The following XKR5 variants were observed in gnomAD, a reference collection of about 807,000 sequenced individuals.
XKR5 encodes XK-related protein 5.
A neutral mutation model predicts 40.8 loss-of-function variants in XKR5; 46 were observed. The ratio of observed to expected loss-of-function variants is 1.13; its 90% CI spans 0.89 to 1.44. XKR5 has a LOEUF of 1.44. Among genes scored for constraint, XKR5 ranks in the 40% most tolerant of loss-of-function variants. XKR5 has a pLI of 0.00. For synonymous variants in XKR5, 466 were observed against 356.1 expected (o/e 1.31, Z -3.48); for missense variants, 1,169 against 844.7 (o/e 1.38, Z -4.76).
At position 6,811,675 on chromosome 8, in the gene XKR5, A is replaced by G; in HGVS notation, c.1584T>C (p.Gly528=). 4 of 1,537,420 alleles carry G rather than the reference A, an allele frequency of 2.6e-6. No homozygotes were observed. The highest frequency in any genetic ancestry group is 1.7e-4 in the Middle Eastern group (1 of 5,994). ...GTCCTTCCCCTCCTCTCTGCTGCCC[A>G]CCTGTCCCCTTCCCCTGTGTCCCAG... The part of the protein sequence containing the change: ...AVSGTQGKGT[G]GQQRGGEGQQ... The change falls in exon 7 of 7, where the codon GGT becomes GGC. Residue 528 remains glycine (G), a synonymous_variant. Transcript: ENST00000618742.
rs568872712 is a variant in XKR5, at chr8:6,809,035, AG to A, written c.*2162del. 2.3e-3 allele frequency: 350 copies of A among 152,386 alleles called. 3 individuals are homozygous for A. The highest frequency in any genetic ancestry group is 3.8e-3 in the Non-Finnish European group (261 of 68,094). The allele number at this position is 152,386 out of a possible 1,614,324, so 9.4% of individuals were successfully genotyped here. ...GAGGCAGGGCTTCAAGTTTAGGAAG[AG>A]GTCACCAGAGGGCAAAGGGCAGTGG... On this transcript the variant is annotated 3_prime_UTR_variant, in exon 7 of 7. Coordinates refer to ENST00000618742, the MANE Select transcript of XKR5 (RefSeq NM_207411.5).
chr8:6,815,718 A>G, intron 6 of XKR5, 89 bp downstream of exon 6: 1 of 885,676 alleles, frequency 1.1e-6, no homozygotes, highest in Non-Finnish European at 1.8e-6. Context: ...ACCACATCTG[A>G]ACTCAGTTTC....
chr8:6,821,931 T>G lies in XKR5; in HGVS notation c.745A>C (p.Ile249Leu). Residue 249 changes from isoleucine (I) to leucine (L), a missense_variant, in exon 5 of 7, where the codon ATC becomes CTC. Transcript: ENST00000618742. ...TCCCAGAAGCTGAGGTAGCAGAGGA[T>G]GTACACGGCCCCCACGAGCAGGTTG... is the stretch of plus-strand genomic sequence containing the variant. ...LFNLLVGAVY[I>L]LCYLSFWDSP... The G allele has an allele frequency of 1.2e-6, 2 of 1,613,294 alleles. No homozygotes were observed. Among genetic ancestry groups the G allele is most frequent in the Non-Finnish European group, 1.7e-6 (2 of 1,179,618 alleles).
intron 1 of XKR5, among the ~76,000 whole-genome samples, chr8:6,833,513 T>C (rs138469977): frequency 1.6e-4 from 24 of 152,328 alleles, no homozygotes; most frequent in Admixed American, 4.6e-4. Context: ...GGCAGATTGC[T>C]CGACGTCAGG....
Position 6,811,907 on chromosome 8 carries a change from G to T in XKR5, c.1352C>A (p.Ala451Asp). ...GGATGAGGATGGGAGCTCTTGCTGG[G>T]CAGACAAGGCCTTTCTCTGCAGGTA... ...QDYLQRKALS[A>D]QQELPSSSRD... The change falls in exon 7 of 7, where the codon GCC becomes GAC. Residue 451 changes from alanine (A) to aspartate (D), a missense_variant. By Grantham distance (126) the Ala-to-Asp change is moderately radical. Coordinates refer to ENST00000618742, the MANE Select transcript of XKR5 (RefSeq NM_207411.5). 1.3e-6 allele frequency: 2 copies of T among 1,537,422 alleles called. No homozygotes were observed. The highest frequency in any genetic ancestry group is 1.7e-6 in the Non-Finnish European group (2 of 1,146,944).
rs1297475497 is a variant in XKR5 at position 6,808,915 on chromosome 8, C to T, written c.*2283G>A. ...AGCCCCGCTCGTTAGTGAATTCATGCTGTTGAATGCTCTAACGCCTACTTT... is the reference window on the plus strand; with the variant it reads ...AGCCCCGCTCGTTAGTGAATTCATGTTGTTGAATGCTCTAACGCCTACTTT... On this transcript the variant is annotated 3_prime_UTR_variant, in exon 7 of 7. Coordinates refer to ENST00000618742, the MANE Select transcript of XKR5 (RefSeq NM_207411.5). 6.6e-6 allele frequency: 1 copy of T among 152,266 alleles called. No homozygotes were observed. The highest frequency in any genetic ancestry group is 1.5e-5 in the Non-Finnish European group (1 of 68,060). 9.4% of individuals were successfully genotyped at this position (152,266 alleles called of 1,614,324 possible). A position where few individuals can be genotyped will look rare whatever the true frequency, so the allele number is the denominator to read the frequency against.
At chr8:6,815,188 G>T (rs961581142) in intron 6 of XKR5, among the ~76,000 whole-genome samples, 1 of 152,190 alleles carries the variant, frequency 6.6e-6, no homozygotes, top group African/African-American at 2.4e-5. Flanking sequence ...TTCAAGTGGG[G>T]GGCGGAATCC....
Position 6,821,905 on chromosome 8 carries a change from G to A in XKR5, c.771C>T (p.Asp257=). Residue 257 remains aspartate, a synonymous_variant, in exon 5 of 7, where the codon GAC becomes GAT. Transcript: ENST00000618742. ...VYILCYLSFW[D]SPSRNRMVTF... ...TGACCATCCTATTTCTAGAAGGGCT[G>A]TCCCAGAAGCTGAGGTAGCAGAGGA... is the stretch of plus-strand genomic sequence containing the variant. 1.2e-6 allele frequency: 2 copies of A among 1,613,500 alleles called. No individual in the cohort carries two copies. Among genetic ancestry groups the A allele is most frequent in the South Asian group, 1.1e-5 (1 of 90,942 alleles).
chr8:6,829,712 C>T (rs551782774), intron 2 of XKR5, among the ~76,000 whole-genome samples: 4 of 150,440 alleles, frequency 2.7e-5, no homozygotes, highest in Non-Finnish European at 5.9e-5. Context: ...GATGGGGTTT[C>T]GACAGTGTTG....
Position 6,811,782 on chromosome 8 carries a change from C to A in XKR5, c.1477G>T (p.Asp493Tyr), listed in dbSNP as rs182635679. Residue 493 changes from aspartate to tyrosine, a missense_variant, in exon 7 of 7, where the codon GAT becomes TAT. By Grantham distance (160) the Asp-to-Tyr change is radical (BLOSUM62 -3). Coordinates refer to ENST00000618742, the MANE Select transcript of XKR5 (RefSeq NM_207411.5). ...TGGGTAGGTGCTTCATCCTGCTGAT[C>A]GCTGGCAAAAGATACGTAACTTGAG... The part of the protein sequence containing the change: ...ETSSYVSFAS[D>Y]QQDEAPTQNP... 2,606 of 1,537,652 alleles carry A rather than the reference C, an allele frequency of 1.7e-3. 85 individuals are homozygous for A. The Admixed American group carries it at 0.047, about 28-fold the overall frequency.
rs759512777 is a variant in XKR5, at chr8:6,832,776, C to A, written c.183G>T (p.Gly61=). ...ALSYLWFRAD[G]HPGHCSLMML... Reference sequence around the variant, plus strand: ...TCATCAAGGAGCAATGCCCTGGATGCCCGTCTGCTCGGAACCACAGGTAGC... The same window carrying A: ...TCATCAAGGAGCAATGCCCTGGATGACCGTCTGCTCGGAACCACAGGTAGC... Residue 61 remains glycine (G), a synonymous_variant, in exon 2 of 7, where the codon GGG becomes GGT. Coordinates refer to ENST00000618742, the MANE Select transcript of XKR5 (RefSeq NM_207411.5). 6 of 1,613,318 alleles carry A rather than the reference C, an allele frequency of 3.7e-6. No individual in the cohort carries two copies. The South Asian group carries it at 4.4e-5, about 12-fold the overall frequency.
intron 1 of XKR5, among the ~76,000 whole-genome samples, chr8:6,834,130 C>A (rs1446447639): frequency 6.6e-6 from 1 of 152,242 alleles, no homozygotes; most frequent in Non-Finnish European, 1.5e-5. Flanking sequence ...CCTAGCACGG[C>A]CTCCTCAGGG....
Position 6,811,958 on chromosome 8 carries a change from G to T in XKR5, c.1301C>A (p.Pro434His), listed in dbSNP as rs1803726083. 1 of 1,537,228 alleles carries T rather than the reference G, an allele frequency of 6.5e-7. No individual in the cohort carries two copies. The highest frequency in any genetic ancestry group is 8.7e-7 in the Non-Finnish European group (1 of 1,146,948). ...GTCCTGTTGACTCAACCCCCATGCA[G>T]GTGGACAATAGGCAGGACTGTTATC... ...FGDNSPAYCP[P>H]AWGLSQQDYL... The change falls in exon 7 of 7, where the codon CCT becomes CAT. Residue 434 changes from proline to histidine, a missense_variant. By Grantham distance (77) the Pro-to-His change is moderately conservative. Coordinates refer to ENST00000618742, the MANE Select transcript of XKR5 (RefSeq NM_207411.5).
At chr8:6,820,879 G>C (rs1804201549) in intron 5 of XKR5, among the ~76,000 whole-genome samples, 2 of 152,094 alleles carry the variant, frequency 1.3e-5, no homozygotes, top group South Asian at 4.1e-4. Context: ...CTTCACCCAG[G>C]TCTCTACCCT....
At chr8:6,821,778 GCACA>G (rs758667285) in intron 5 of XKR5, 87 bp downstream of exon 5, 21 of 1,130,992 alleles carry the variant, frequency 1.9e-5, no homozygotes, top group Admixed American at 2.9e-5. Flanking sequence ...GTGCATTGGT[GCACA>G]CACACACACA....
At chr8:6,823,988 T>A (rs1804354501) in intron 3 of XKR5, among the ~76,000 whole-genome samples, 1 of 152,220 alleles carries the variant, frequency 6.6e-6, no homozygotes, top group African/African-American at 2.4e-5. Context: ...TAAATGCTCT[T>A]CCCAGCAAAT....
intron 6 of XKR5, 106 bp downstream of exon 6, chr8:6,815,701 C>G (rs1563349214): frequency 2.7e-6 from 2 of 750,994 alleles, no homozygotes; most frequent in Non-Finnish European, 4.4e-6. Context: ...TCCTTGGTCT[C>G]CAGTTAACCA....
chr8:6,827,239 T>C (rs770627943), intron 2 of XKR5, among the ~76,000 whole-genome samples: 1 of 152,172 alleles, frequency 6.6e-6, no homozygotes, highest in Non-Finnish European at 1.5e-5. Context: ...CACAGCCGCC[T>C]GCACACGAGC....
Position 6,812,271 on chromosome 8 carries a change from G to T in XKR5, c.988C>A (p.Leu330Ile). Residue 330 changes from leucine to isoleucine, a missense_variant, in exon 7 of 7, where the codon CTA (leucine) becomes ATA (isoleucine). Coordinates refer to ENST00000618742, the MANE Select transcript of XKR5 (RefSeq NM_207411.5). ...PKSTDIWQGC[L>I]RKSCGIAGGD... is the part of the protein sequence containing the mutation. ...CCTGCAATGCCACAGGACTTCCTTA[G>T]GCAGCCCTGCCAGATGTCTGTGGAT... The T allele has an allele frequency of 6.4e-7, 1 of 1,554,134 alleles. No individual in the cohort carries two copies. The highest frequency in any genetic ancestry group is 8.7e-7 in the Non-Finnish European group (1 of 1,147,850).
Sources: allele counts gnomAD v4.1 joint callset (sites outside exome capture counted in the v4.1 genomes callset), GRCh38; gene constraint gnomAD v4.1.1; transcripts MANE v1.5; gene names NCBI Gene and HGNC (gene_info 2026-07-23, HGNC 2026-07-21).